Variants in CLMN observed in about 807,000 individuals in gnomAD.
CLMN encodes the protein calmin (calponin-like, transmembrane).
A neutral mutation model predicts 92.7 loss-of-function variants in CLMN; 57 were observed. That is an observed-to-expected ratio of 0.61 (90% CI 0.50 to 0.77). The LOEUF is 0.77. Ranked by LOEUF, CLMN falls within the 30% of genes least tolerant of loss-of-function variation. CLMN has a pLI of 0.00. For missense variants in CLMN, 1,158 were observed against 1,237.5 expected (o/e 0.94, Z 0.96); for synonymous variants, 466 against 470.6 (o/e 0.99, Z 0.13).
At chr14:95,273,604 A>C (rs980792336) in intron 1 of CLMN, among the ~76,000 whole-genome samples, 5 of 152,148 alleles carry the variant, frequency 3.3e-5, no homozygotes, top group Non-Finnish European at 5.9e-5. Flanking sequence ...GTGCCGTAAT[A>C]ACCACAGACT....
At chr14:95,215,320 C>T (rs1595578003) in intron 5 of CLMN, among the ~76,000 whole-genome samples, 2 of 152,178 alleles carry the variant, frequency 1.3e-5, no homozygotes, top group Admixed American at 1.3e-4. Context: ...GTAACTCTAC[C>T]AAGTTCCAGT....
chr14:95,230,021 T>C (rs1897832689), intron 2 of CLMN, 51 bp downstream of exon 2: 1 of 1,552,504 alleles, frequency 6.4e-7, no homozygotes, highest in Non-Finnish European at 8.9e-7. Context: ...GAACTGTAAA[T>C]TCAGTTACAG....
chr14:95,210,116 G>A (rs553060690), intron 7 of CLMN, among the ~76,000 whole-genome samples: 1 of 151,868 alleles, frequency 6.6e-6, no homozygotes, highest in African/African-American at 2.4e-5. Context: ...GCAGTGGCAC[G>A]ATCTCAGCTC....
At position 95,229,948 on chromosome 14, in the gene CLMN, T is replaced by C. The variant is rs1897830953; in HGVS notation, c.144+124A>G. 6.6e-6 allele frequency: 6 copies of C among 911,476 alleles called. No individual in the cohort carries two copies. In the South Asian group the frequency reaches 8.9e-5, roughly 13 times the overall value. 56.5% of individuals were successfully genotyped at this position (911,476 alleles called of 1,614,324 possible). Reference sequence around the variant, plus strand: ...GGTAACCGGCAGGGGGAGGCACTTATAAATGTTTAAATGAATGAACAACAG... The same window carrying C: ...GGTAACCGGCAGGGGGAGGCACTTACAAATGTTTAAATGAATGAACAACAG... On this transcript the variant is annotated intron_variant, in intron 2 of 12. Coordinates refer to ENST00000298912, the MANE Select transcript of CLMN (RefSeq NM_024734.4).
chr14:95,310,250 G>A lies in CLMN; in HGVS notation c.82+9461C>T, dbSNP rs1901475129. On this transcript the variant is annotated intron_variant, in intron 1 of 12. Coordinates refer to ENST00000298912, the MANE Select transcript of CLMN (RefSeq NM_024734.4). ...TTCTTTATAAATTACCCAGACTCAG[G>A]TATTTCTTTAGAGCAATGCAAAAAC... 1.3e-5 allele frequency among the ~76,000 whole-genome samples: 2 copies of A among 152,136 alleles called. 1 individual carries two copies. Among genetic ancestry groups the A allele is most frequent in the South Asian group, 4.1e-4 (2 of 4,828 alleles).
intron 5 of CLMN, among the ~76,000 whole-genome samples, chr14:95,214,736 A>G (rs1595577290): frequency 6.9e-6 from 1 of 145,940 alleles, no homozygotes; most frequent in East Asian, 1.9e-4. Context: ...TGAGAGAGAC[A>G]GTATTTTTTT....
At chr14:95,255,448 C>T (rs1244492457) in intron 1 of CLMN, among the ~76,000 whole-genome samples, 1 of 152,160 alleles carries the variant, frequency 6.6e-6, no homozygotes, top group Non-Finnish European at 1.5e-5. Flanking sequence ...TTGTTAATCT[C>T]TCACTGTGCC....
intron 12 of CLMN, chr14:95,192,656 A>G (rs976030145): frequency 1.6e-4 from 25 of 152,464 alleles, no homozygotes; most frequent in African/African-American, 5.5e-4. Context: ...AGCTGTCCAC[A>G]GAAACAAGTT....
At chr14:95,193,374 T>A (rs1177569930) in intron 12 of CLMN, 8 of 1,535,062 alleles carry the variant, frequency 5.2e-6, no homozygotes, top group Middle Eastern at 1.7e-4. Flanking sequence ...TCTGATGCCA[T>A]AAAACTGTAA....
intron 2 of CLMN, among the ~76,000 whole-genome samples, chr14:95,226,420 A>T (rs1897714042): frequency 6.6e-6 from 1 of 152,082 alleles, no homozygotes; most frequent in Non-Finnish European, 1.5e-5. Flanking sequence ...GAAGCCACAG[A>T]TGTGGAACCC....
At chr14:95,280,104 T>C (rs933674949) in intron 1 of CLMN, among the ~76,000 whole-genome samples, 2 of 152,164 alleles carry the variant, frequency 1.3e-5, no homozygotes, top group Admixed American at 6.5e-5. Context: ...TGTGAACATA[T>C]TGGCTGAAGT....
intron 1 of CLMN, among the ~76,000 whole-genome samples, chr14:95,314,972 A>G (rs1020156330): frequency 1.3e-5 from 2 of 152,156 alleles, no homozygotes; most frequent in African/African-American, 2.4e-5. Context: ...GCCCTCTAAG[A>G]GCTGGCGGAG....
chr14:95,314,335 G>A (rs962317076), intron 1 of CLMN, among the ~76,000 whole-genome samples: 3 of 152,044 alleles, frequency 2.0e-5, no homozygotes, highest in Non-Finnish European at 4.4e-5. Context: ...GACACTTGGT[G>A]GAAGTGAATC....
At chr14:95,264,407 A>T (rs989434407) in intron 1 of CLMN, among the ~76,000 whole-genome samples, 1 of 152,150 alleles carries the variant, frequency 6.6e-6, no homozygotes, top group Non-Finnish European at 1.5e-5. Flanking sequence ...TCGAGGCCCC[A>T]CTTAGCAGCT....
intron 1 of CLMN, among the ~76,000 whole-genome samples, chr14:95,279,318 T>C (rs1900053168): frequency 6.6e-6 from 1 of 152,260 alleles, no homozygotes; most frequent in Non-Finnish European, 1.5e-5. Context: ...CTTTAAGCTC[T>C]AAACTGCTTC....
intron 1 of CLMN, among the ~76,000 whole-genome samples, chr14:95,309,988 C>T (rs80274602): frequency 6.6e-6 from 1 of 152,182 alleles, no homozygotes; most frequent in Non-Finnish European, 1.5e-5. Context: ...GGTTCCTTCT[C>T]GAGATTCCAG....
intron 1 of CLMN, among the ~76,000 whole-genome samples, chr14:95,292,818 T>G (rs914592832): frequency 2.6e-5 from 4 of 151,982 alleles, no homozygotes; most frequent in African/African-American, 9.7e-5. Flanking sequence ...GAGATGAAGC[T>G]CCAAAAGCGC....
At chr14:95,215,572 A>G in intron 5 of CLMN, 69 bp downstream of exon 5, 1 of 1,356,822 alleles carries the variant, frequency 7.4e-7, no homozygotes, top group Non-Finnish European at 1.1e-6. Flanking sequence ...ATCTGGCCCC[A>G]CTCTCTTCTG....
Position 95,187,900 on chromosome 14 carries a change from T to A in CLMN, c.*3664A>T, listed in dbSNP as rs1270971441. ...AGGGGCAAAAGGTGTCCTTTGCCAG[T>A]CAAGCCAAGTGCTCATGGGGACTTC... On this transcript the variant is annotated 3_prime_UTR_variant, in exon 13 of 13. Coordinates refer to ENST00000298912, the MANE Select transcript of CLMN (RefSeq NM_024734.4). 6.6e-6 allele frequency: 1 copy of A among 152,232 alleles called. No individual in the cohort carries two copies. The highest frequency in any genetic ancestry group is 2.4e-5 in the African/African-American group (1 of 41,444). The allele number at this position is 152,232 out of a possible 1,614,324, so 9.4% of individuals were successfully genotyped here.
Sources: allele counts gnomAD v4.1 joint callset (sites outside exome capture counted in the v4.1 genomes callset), GRCh38; gene constraint gnomAD v4.1.1; transcripts MANE v1.5; gene names NCBI Gene and HGNC (gene_info 2026-07-23, HGNC 2026-07-21).